SLC18A2: variants seen among roughly 807,000 people sequenced by gnomAD.
SLC18A2 encodes solute carrier family 18 member A2, also known as synaptic vesicular amine transporter.
SLC18A2 carries 33 observed loss-of-function variants against 59.2 expected under a neutral mutation model. That is an observed-to-expected ratio of 0.56 (90% CI 0.42 to 0.75). The LOEUF (loss-of-function observed/expected upper bound fraction) is 0.75, where lower values mean the gene tolerates loss of function less well. Ranked by LOEUF, SLC18A2 falls within the 30% of genes least tolerant of loss-of-function variation. The pLI is 0.00. For synonymous variants in SLC18A2, 228 were observed against 253.5 expected (o/e 0.90, Z 0.95); for missense variants, 569 against 668.6 (o/e 0.85, Z 1.64).
intron 4 of SLC18A2, 78 bp from the exon 5 acceptor site, chr10:117,253,970 G>A (rs537379738): frequency 3.1e-6 from 4 of 1,302,240 alleles, no homozygotes; most frequent in African/African-American, 2.9e-5. Context: ...GTTAAGGGGG[G>A]CTTCTGAAAC....
rs374136577 is a variant in SLC18A2 at position 117,255,528 on chromosome 10, C to G, written c.834+6C>G. ...CGTCCCGGGTGCAGCCAGAGGTAAG[C>G]GGCTGGGAATGAGGGCCCTGGGGGA... On this transcript the variant is annotated splice_donor_region_variant and intron_variant, in intron 8 of 15. Coordinates refer to ENST00000644641, the MANE Select transcript of SLC18A2 (RefSeq NM_003054.6). 1 of 1,614,100 alleles carries G rather than the reference C, an allele frequency of 6.2e-7. No homozygotes were observed. The highest frequency in any genetic ancestry group is 8.5e-7 in the Non-Finnish European group (1 of 1,180,014).
chr10:117,244,757 G>T (rs1166471623), intron 3 of SLC18A2, among the ~76,000 whole-genome samples: 1 of 152,186 alleles, frequency 6.6e-6, no homozygotes, highest in East Asian at 1.9e-4. Context: ...TTTGGAACTG[G>T]CATGTTAAAG....
At chr10:117,266,431 G>A (rs1447081728) in intron 10 of SLC18A2, among the ~76,000 whole-genome samples, 1 of 152,214 alleles carries the variant, frequency 6.6e-6, no homozygotes, top group African/African-American at 2.4e-5. Context: ...TGAGCTCCCA[G>A]GCAGGAGCTG....
intron 6 of SLC18A2, among the ~76,000 whole-genome samples, chr10:117,254,934 A>G (rs1451247023): frequency 6.6e-6 from 1 of 152,216 alleles, no homozygotes; most frequent in African/African-American, 2.4e-5. Context: ...GCCTGCTTCC[A>G]GGAGCCTGCA....
chr10:117,267,761 A>G (rs1297539914), intron 13 of SLC18A2, 25 bp downstream of exon 13: 14 of 1,526,740 alleles, frequency 9.2e-6, no homozygotes, highest in African/African-American at 2.7e-5. Flanking sequence ...CCTTGTGCCT[A>G]CATTTAAAAC....
chr10:117,268,876 T>C (rs886181232), intron 13 of SLC18A2, among the ~76,000 whole-genome samples: 1 of 151,808 alleles, frequency 6.6e-6, no homozygotes, highest in African/African-American at 2.4e-5. Context: ...GTGTGTTGTG[T>C]GTATGAGTGT....
At chr10:117,253,649 C>A (rs1185878013) in intron 4 of SLC18A2, among the ~76,000 whole-genome samples, 192 bp downstream of exon 4, 1 of 152,054 alleles carries the variant, frequency 6.6e-6, no homozygotes, top group Non-Finnish European at 1.5e-5. Flanking sequence ...AGTCCGAGAC[C>A]AACCTGGCCA....
In SLC18A2 at chr10:117,254,439, T is replaced by G; in HGVS notation, c.642T>G (p.Asp214Glu). 1 of 1,609,566 alleles carries G rather than the reference T, an allele frequency of 6.2e-7. No homozygotes were observed. The highest frequency in any genetic ancestry group is 8.5e-7 in the Non-Finnish European group (1 of 1,177,460). The part of the protein sequence containing the change: ...MGMLASVYTD[D>E]EERGNVMGIA... ...TGCTTGCCAGTGTCTACACAGATGA[T>G]GAAGAGAGAGGCAACGTCATGGGAA... Residue 214 changes from aspartate (D) to glutamate (E), a missense_variant, in exon 6 of 16, where the codon GAT becomes GAG. Around this residue, in one of 2 missense-constraint regions of SLC18A2, gnomAD observed 377 missense variants for 389.8 expected, o/e 0.97. Coordinates refer to ENST00000644641, the MANE Select transcript of SLC18A2 (RefSeq NM_003054.6).
chr10:117,270,208 T>G lies in SLC18A2; in HGVS notation c.1306+18T>G. On this transcript the variant is annotated intron_variant, in intron 14 of 15. Transcript: ENST00000644641. Reference sequence around the variant, plus strand: ...TGCTATAGGTAAGGACATTGGCTTTTCATAAGAACCTTTTACCTCAATACG... The same window carrying G: ...TGCTATAGGTAAGGACATTGGCTTTGCATAAGAACCTTTTACCTCAATACG... The G allele has an allele frequency of 6.2e-7, 1 of 1,614,092 alleles. No individual in the cohort carries two copies.
At chr10:117,253,268 T>C (rs528679625) in intron 3 of SLC18A2, 131 bp from the exon 4 acceptor site, 41 of 698,602 alleles carry the variant, frequency 5.9e-5, no homozygotes, top group African/African-American at 5.3e-5. Context: ...GCACTGAGTA[T>C]ATGAATTTTC....
At chr10:117,274,132 C>A (rs375085991) in intron 15 of SLC18A2, among the ~76,000 whole-genome samples, 1 of 152,196 alleles carries the variant, frequency 6.6e-6, no homozygotes, top group Non-Finnish European at 1.5e-5. Flanking sequence ...TGAAACATTA[C>A]ATGCCACCTG....
rs363414 is a variant in SLC18A2, at chr10:117,254,369, G to A, written c.608-36G>A. 512 of 1,516,174 alleles carry A rather than the reference G, an allele frequency of 3.4e-4. 1 individual carries two copies. In the African/African-American group the frequency reaches 6.1e-3, roughly 18 times the overall value. 93.9% of individuals were successfully genotyped at this position (1,516,174 alleles called of 1,614,324 possible). A position where few individuals can be genotyped will look rare whatever the true frequency, so the allele number is the denominator to read the frequency against. On this transcript the variant is annotated intron_variant, in intron 5 of 15. Coordinates refer to ENST00000644641, the MANE Select transcript of SLC18A2 (RefSeq NM_003054.6). ...ACGCATTATTCTTTTGCTGTTCCCC[G>A]GAGCTGGCCTGTTGACTATTTCTTT...
rs928229762 is a variant in SLC18A2 at position 117,277,428 on chromosome 10, G to A, written c.*162G>A. 5 of 430,278 alleles carry A rather than the reference G, an allele frequency of 1.2e-5. No homozygotes were observed. In the South Asian group the frequency reaches 2.2e-4, roughly 19 times the overall value. The allele number at this position is 430,278 out of a possible 1,614,324, so 26.7% of individuals were successfully genotyped here. On this transcript the variant is annotated 3_prime_UTR_variant, in exon 16 of 16. Transcript: ENST00000644641. ...CCATGGTTATGGTCGATTGCCAACA[G>A]CCTTATAAAGAAAAAGAAGCTTTTC... is the stretch of plus-strand genomic sequence containing the variant.
intron 9 of SLC18A2, among the ~76,000 whole-genome samples, 183 bp from the exon 10 acceptor site, chr10:117,257,614 C>T (rs1384112441): frequency 6.6e-6 from 1 of 152,204 alleles, no homozygotes; most frequent in African/African-American, 2.4e-5. Context: ...ATGAGGACGA[C>T]GACGACCATG....
At chr10:117,261,822 G>A (rs1844296954) in intron 10 of SLC18A2, among the ~76,000 whole-genome samples, 1 of 152,174 alleles carries the variant, frequency 6.6e-6, no homozygotes. Flanking sequence ...GTGGGATGGT[G>A]ACAATGTTCT....
In SLC18A2 at chr10:117,269,238, T is replaced by C. The variant is rs954623614; in HGVS notation, c.1187-833T>C. On this transcript the variant is annotated intron_variant, in intron 13 of 15. Coordinates refer to ENST00000644641, the MANE Select transcript of SLC18A2 (RefSeq NM_003054.6). The surrounding 1 kb of genome is among the most constrained non-coding windows in gnomAD (Gnocchi z 5.1). ...ACACACATACACAAATACAAGTACA[T>C]ACACAAACACATATACACAGACACA... Among the ~76,000 whole-genome samples the C allele has an allele frequency of 2.0e-5, 3 of 150,646 alleles. No homozygotes were observed. Among genetic ancestry groups the C allele is most frequent in the African/African-American group, 7.3e-5 (3 of 41,026 alleles).
rs1380502173 is a variant in SLC18A2, at chr10:117,241,140, C to T, written c.-96C>T. 6.6e-6 allele frequency: 1 copy of T among 151,894 alleles called. No homozygotes were observed. Among genetic ancestry groups the T allele is most frequent in the African/African-American group, 2.4e-5 (1 of 41,312 alleles). 9.4% of individuals were successfully genotyped at this position (151,894 alleles called of 1,614,324 possible). The stretch of plus-strand genomic sequence containing the variant: ...GGGCGGAGACTGCGACCCGGAGCCG[C>T]CCGGACTGACGGAGCCCACTGCGGT... On this transcript the variant is annotated 5_prime_UTR_variant, in exon 1 of 16. Transcript: ENST00000644641.
At chr10:117,255,746 G>C in intron 9 of SLC18A2, 89 bp downstream of exon 9, 1 of 1,171,236 alleles carries the variant, frequency 8.5e-7, no homozygotes, top group Non-Finnish European at 1.2e-6. Context: ...GCTGATTTTC[G>C]TTTTGCTGCT....
At chr10:117,245,978 C>A (rs1844106882) in intron 3 of SLC18A2, among the ~76,000 whole-genome samples, 1 of 152,202 alleles carries the variant, frequency 6.6e-6, no homozygotes, top group Non-Finnish European at 1.5e-5. Flanking sequence ...CAAATTAACC[C>A]AGCGAAGGGC....
Sources: gnomAD v4.1 joint callset for allele counts (sites outside exome capture counted in the v4.1 genomes callset) on GRCh38, gnomAD v4.1.1 for gene constraint, gnomAD v4.1.1 regional missense constraint, Gnocchi (gnomAD v3.1) non-coding constraint, MANE v1.5 for transcripts, NCBI Gene and HGNC (gene_info 2026-07-23, HGNC 2026-07-21) for gene names.